CTNNA2: variants seen among roughly 807,000 people sequenced by gnomAD.
The protein encoded by CTNNA2 is catenin alpha 2.
CTNNA2 carries 42 observed loss-of-function variants against 101.0 expected under a neutral mutation model. The ratio of observed to expected loss-of-function variants is 0.42; its 90% CI spans 0.32 to 0.54. CTNNA2 has a LOEUF of 0.54. Among genes scored for constraint, CTNNA2 ranks in the 20% least tolerant of loss-of-function variants. The pLI is 0.14. For synonymous variants in CTNNA2, 450 were observed against 456.4 expected, an observed-to-expected ratio of 0.99 and a Z score of 0.18; for missense variants, 871 against 1,223.1, an observed-to-expected ratio of 0.71 and a Z score of 4.29.
intron 18 of CTNNA2, among the ~76,000 whole-genome samples, chr2:80,619,849 C>T (rs1476044942): frequency 1.3e-5 from 2 of 151,892 alleles, no homozygotes; most frequent in Non-Finnish European, 1.5e-5. Flanking sequence ...TTTGTTGTTG[C>T]ACGTCCTAAC....
chr2:80,546,520 C>T (rs1002083612), intron 11 of CTNNA2, among the ~76,000 whole-genome samples: 9 of 152,184 alleles, frequency 5.9e-5, no homozygotes, highest in Non-Finnish European at 8.8e-5. Context: ...GTAGAGATAT[C>T]AGCCACAGAA....
At chr2:80,515,998 T>A (rs1452866827) in intron 9 of CTNNA2, among the ~76,000 whole-genome samples, 2 of 152,234 alleles carry the variant, frequency 1.3e-5, no homozygotes, top group Non-Finnish European at 2.9e-5. Context: ...CTATTCTGTC[T>A]CTTCTCTCTC....
chr2:80,002,786 C>T (rs1221897379), intron 7 of CTNNA2, among the ~76,000 whole-genome samples: 4 of 152,164 alleles, frequency 2.6e-5, no homozygotes, highest in Non-Finnish European at 5.9e-5. Flanking sequence ...GTGCCTTCCA[C>T]GCTCATCACT....
chr2:79,567,337 C>T (rs188418432), intron 1 of CTNNA2, among the ~76,000 whole-genome samples: 2 of 151,460 alleles, frequency 1.3e-5, no homozygotes, highest in African/African-American at 4.9e-5. Flanking sequence ...AAATCTTAAA[C>T]TGGCACTTTT....
At chr2:80,133,477 A>G (rs1702523032) in intron 7 of CTNNA2, among the ~76,000 whole-genome samples, 1 of 152,192 alleles carries the variant, frequency 6.6e-6, no homozygotes, top group Non-Finnish European at 1.5e-5. Flanking sequence ...AGGTGTTACA[A>G]CCAATTCAAA....
chr2:79,330,032 G>A (rs1050884150), intron 3 of CTNNA2, among the ~76,000 whole-genome samples: 1 of 152,110 alleles, frequency 6.6e-6, no homozygotes, highest in South Asian at 2.1e-4. Flanking sequence ...CTTCTTCCAT[G>A]GAGAGGCCTC....
rs117130774 is a variant in CTNNA2 at position 79,662,938 on chromosome 2, C to A, written c.102+11280C>A. Among the ~76,000 whole-genome samples the A allele has an allele frequency of 3.5e-3, 534 of 152,278 alleles. 11 individuals are homozygous for A. In the East Asian group the frequency reaches 0.048, roughly 14 times the overall value. On this transcript the variant is annotated intron_variant, in intron 2 of 18. Transcript: ENST00000402739. Reference sequence around the variant, plus strand: ...TTTGCTTTACTGTTTCCTGGCCTAGCCTTTAAATGTTCACGCTGTTCAGGC... The same window carrying A: ...TTTGCTTTACTGTTTCCTGGCCTAGACTTTAAATGTTCACGCTGTTCAGGC...
chr2:80,116,054 CTT>C (rs5832433), intron 7 of CTNNA2, among the ~76,000 whole-genome samples: 3 of 150,762 alleles, frequency 2.0e-5, no homozygotes, highest in Admixed American at 1.3e-4. Context: ...GTTTAATAAA[CTT>C]TTTTTTTTCC....
chr2:80,095,027 C>G (rs1700055386), intron 7 of CTNNA2, among the ~76,000 whole-genome samples: 2 of 152,294 alleles, frequency 1.3e-5, no homozygotes, highest in South Asian at 2.1e-4. Context: ...CTGGCCAGAA[C>G]TTCCAACACT....
chr2:79,234,166 G>A (rs941607449), intron 2 of CTNNA2, among the ~76,000 whole-genome samples: 12 of 151,378 alleles, frequency 7.9e-5, no homozygotes, highest in African/African-American at 2.9e-4. Flanking sequence ...GTATTTTTGA[G>A]GTAGGTTTTG....
chr2:79,658,298 G>T (rs552003376), intron 2 of CTNNA2, among the ~76,000 whole-genome samples: 1 of 151,836 alleles, frequency 6.6e-6, no homozygotes, highest in Non-Finnish European at 1.5e-5. Context: ...GTAAAATATA[G>T]ATAATAATAA....
chr2:79,264,822 A>G lies in CTNNA2; in HGVS notation c.-405-47887A>G, dbSNP rs117570749. Among the ~76,000 whole-genome samples the G allele has an allele frequency of 2.6e-4, 40 of 152,188 alleles. No homozygotes were observed. In the East Asian group the frequency reaches 5.8e-3, roughly 22 times the overall value. ...AAGAGAAGGTAGTTCTCAGGAACCT[A>G]TTTGAAGCTACTCTAGCAACTAAAG... On this transcript the variant is annotated intron_variant, in intron 2 of 21. Coordinates refer to the CTNNA2 transcript ENST00000466387.
chr2:80,248,031 G>A (rs77748748), intron 7 of CTNNA2, among the ~76,000 whole-genome samples: 1 of 138,744 alleles, frequency 7.2e-6, no homozygotes, highest in Non-Finnish European at 1.6e-5. Context: ...TTTTTTTTTT[G>A]TGGGGGCAGG....
chr2:80,070,575 G>A (rs1281534135), intron 7 of CTNNA2, among the ~76,000 whole-genome samples: 1 of 151,948 alleles, frequency 6.6e-6, no homozygotes, highest in Non-Finnish European at 1.5e-5. Context: ...AAATTAGCTG[G>A]GTGTGGTGGT....
At chr2:79,907,854 A>G (rs1206427447) in intron 6 of CTNNA2, among the ~76,000 whole-genome samples, 1 of 152,218 alleles carries the variant, frequency 6.6e-6, no homozygotes, top group Non-Finnish European at 1.5e-5. Context: ...GACTTCAGAC[A>G]TGGTCTGTGT....
At chr2:80,496,395 CTTTT>C (rs34221173) in intron 9 of CTNNA2, among the ~76,000 whole-genome samples, 11 of 131,724 alleles carry the variant, frequency 8.4e-5, no homozygotes, top group Admixed American at 1.5e-4. Flanking sequence ...TCTTCACTGT[CTTTT>C]TTTTTTTTTT....
chr2:80,388,833 A>G (rs559135788), intron 7 of CTNNA2, among the ~76,000 whole-genome samples: 1 of 152,328 alleles, frequency 6.6e-6, no homozygotes, highest in East Asian at 1.9e-4. Flanking sequence ...ATGGAGAGCT[A>G]GGTGAGGCTT....
chr2:79,388,678 T>G (rs1678134083), intron 4 of CTNNA2, among the ~76,000 whole-genome samples: 1 of 152,164 alleles, frequency 6.6e-6, no homozygotes, highest in African/African-American at 2.4e-5. Flanking sequence ...TGCAAAGATC[T>G]AATGAGGGCA....
chr2:80,409,959 T>C (rs995967767), intron 8 of CTNNA2, among the ~76,000 whole-genome samples: 1 of 152,202 alleles, frequency 6.6e-6, no homozygotes, highest in Non-Finnish European at 1.5e-5. Flanking sequence ...GTAAAAGGAA[T>C]TGCAGAGGTG....
Sources: gnomAD v4.1 joint callset for allele counts (sites outside exome capture counted in the v4.1 genomes callset) on GRCh38, gnomAD v4.1.1 for gene constraint, MANE v1.5 for transcripts, NCBI Gene and HGNC (gene_info 2026-07-23, HGNC 2026-07-21) for gene names.